KHDRBS2: variants seen among roughly 807,000 people sequenced by gnomAD.
KHDRBS2 encodes the protein KH RNA binding domain containing, signal transduction associated 2, also known as KH domain-containing, RNA-binding, signal transduction-associated protein 2.
Under a neutral mutation model 44.3 loss-of-function variants are expected in KHDRBS2, and 26 were observed. The observed-to-expected ratio is 0.59, with a 90% CI of 0.43 to 0.81. KHDRBS2 has a LOEUF of 0.81. KHDRBS2 is among the 40% of genes least tolerant of loss of function. KHDRBS2 has a pLI of 0.00. For synonymous variants in KHDRBS2, 194 were observed against 151.1 expected, an observed-to-expected ratio of 1.28 and a Z score of -2.08; for missense variants, 476 against 433.1, an observed-to-expected ratio of 1.10 and a Z score of -0.88.
chr6:61,616,404 G>T, the KHDRBS2 span, among the ~76,000 whole-genome samples: 518 of 151,340 alleles, frequency 3.4e-3, 4 homozygotes, highest in African/African-American at 0.012. Flanking sequence ...AATGAAATGG[G>T]ATGACCCTAT....
At chr6:61,753,894 T>A (rs1312144066) in intron 6 of KHDRBS2, among the ~76,000 whole-genome samples, 1 of 152,022 alleles carries the variant, frequency 6.6e-6, no homozygotes, top group Non-Finnish European at 1.5e-5. Flanking sequence ...ATCAGAAGTG[T>A]CTTATAAGAG....
rs190495097 is a variant in KHDRBS2, at chr6:61,757,391, T to C, written c.811-24627A>G. Among the ~76,000 whole-genome samples, 227 of 152,328 alleles carry C rather than the reference T, an allele frequency of 1.5e-3. 1 individual carries two copies. Among genetic ancestry groups the C allele is most frequent in the African/African-American group, 5.2e-3 (216 of 41,582 alleles). ...TTCCAGTTTTGTCACATACTCCCCG[T>C]CAACTTACTTTTTGATTGGTGTTAG... On this transcript the variant is annotated intron_variant, in intron 6 of 8. Transcript: ENST00000281156.
intron 3 of KHDRBS2, among the ~76,000 whole-genome samples, chr6:62,026,977 A>T (rs1222299967): frequency 2.7e-5 from 4 of 150,716 alleles, no homozygotes; most frequent in Non-Finnish European, 4.4e-5. Context: ...GTCCAGGAAA[A>T]TTTTATTCCA....
At chr6:61,642,675 GAA>G in the KHDRBS2 span, among the ~76,000 whole-genome samples, 1 of 141,582 alleles carries the variant, frequency 7.1e-6, no homozygotes, top group African/African-American at 2.6e-5. Context: ...AAAAAAAAAA[GAA>G]TAATAAATTT....
At chr6:62,193,939 C>CT (rs1825111878) in intron 1 of KHDRBS2, among the ~76,000 whole-genome samples, 1 of 152,052 alleles carries the variant, frequency 6.6e-6, no homozygotes, top group Non-Finnish European at 1.5e-5. Flanking sequence ...CATTTTATTA[C>CT]TGAGTCATAA....
intron 3 of KHDRBS2, among the ~76,000 whole-genome samples, chr6:62,019,689 C>T (rs1781897597): frequency 6.6e-6 from 1 of 152,028 alleles, no homozygotes; most frequent in South Asian, 2.1e-4. Flanking sequence ...TAAACATTTT[C>T]TATTTCATAT....
the KHDRBS2 span, among the ~76,000 whole-genome samples, chr6:61,550,752 G>A: frequency 6.9e-6 from 1 of 144,822 alleles, no homozygotes; most frequent in Non-Finnish European, 1.5e-5. Flanking sequence ...CTTTCTGACT[G>A]GTTGAGATGG....
chr6:61,976,565 C>A (rs902502828), intron 4 of KHDRBS2, among the ~76,000 whole-genome samples: 3 of 151,934 alleles, frequency 2.0e-5, no homozygotes, highest in Non-Finnish European at 4.4e-5. Context: ...TATATTTAAA[C>A]CATCCATTAA....
chr6:62,015,716 A>G (rs1395045472), intron 3 of KHDRBS2, among the ~76,000 whole-genome samples: 1 of 152,182 alleles, frequency 6.6e-6, no homozygotes, highest in Non-Finnish European at 1.5e-5. Flanking sequence ...CCATATAGAT[A>G]TAAAATGTTT....
At chr6:61,828,057 C>T (rs1164547784) in intron 6 of KHDRBS2, among the ~76,000 whole-genome samples, 1 of 152,274 alleles carries the variant, frequency 6.6e-6, no homozygotes, top group East Asian at 1.9e-4. Flanking sequence ...ATCATTCTGG[C>T]ACTGACATGC....
chr6:61,888,808 AC>A (rs1801369026), intron 6 of KHDRBS2, among the ~76,000 whole-genome samples: 2 of 151,508 alleles, frequency 1.3e-5, no homozygotes, highest in Admixed American at 6.6e-5. Flanking sequence ...TGATCCACCC[AC>A]CCCGGCCTCC....
chr6:62,175,057 G>C (rs1323392886), intron 2 of KHDRBS2, among the ~76,000 whole-genome samples: 1 of 151,484 alleles, frequency 6.6e-6, no homozygotes, highest in Non-Finnish European at 1.5e-5. Flanking sequence ...GTTTTCAAAA[G>C]ATTATTAAAT....
At chr6:62,176,288 C>A (rs1399278300) in intron 2 of KHDRBS2, among the ~76,000 whole-genome samples, 3 of 151,302 alleles carry the variant, frequency 2.0e-5, no homozygotes, top group African/African-American at 7.3e-5. Flanking sequence ...GCCCAAAATA[C>A]TTCATCTCAA....
chr6:61,858,853 C>G (rs564192696), intron 6 of KHDRBS2, among the ~76,000 whole-genome samples: 1 of 151,726 alleles, frequency 6.6e-6, no homozygotes, highest in East Asian at 1.9e-4. Context: ...GCCAGATTAT[C>G]GGGAAACCTA....
chr6:61,728,463 A>T (rs557595263), intron 7 of KHDRBS2, among the ~76,000 whole-genome samples: 1 of 152,192 alleles, frequency 6.6e-6, no homozygotes, highest in South Asian at 2.1e-4. Flanking sequence ...TTGAAGAAAA[A>T]AAAAGATTTA....
At chr6:62,168,015 A>G (rs918511241) in intron 2 of KHDRBS2, among the ~76,000 whole-genome samples, 4 of 152,172 alleles carry the variant, frequency 2.6e-5, no homozygotes, top group African/African-American at 9.7e-5. Context: ...GAAAGTTGCA[A>G]CCGAGGATGA....
intron 1 of KHDRBS2, among the ~76,000 whole-genome samples, chr6:62,238,521 T>C (rs1834066473): frequency 6.6e-6 from 1 of 152,122 alleles, no homozygotes; most frequent in Non-Finnish European, 1.5e-5. Context: ...TAAACTTAGT[T>C]CTGGAGAGAA....
chr6:61,909,616 C>T (rs531877178), intron 4 of KHDRBS2, among the ~76,000 whole-genome samples: 1 of 152,076 alleles, frequency 6.6e-6, no homozygotes, highest in Admixed American at 6.6e-5. Context: ...ATCGTGACAC[C>T]ATATGGTGTA....
At chr6:62,012,799 G>A (rs1780542516) in intron 3 of KHDRBS2, among the ~76,000 whole-genome samples, 2 of 152,058 alleles carry the variant, frequency 1.3e-5, no homozygotes, top group African/African-American at 4.8e-5. Flanking sequence ...CCTATCACAC[G>A]GAAGCATTTT....
Sources: allele counts gnomAD v4.1 joint callset (sites outside exome capture counted in the v4.1 genomes callset), GRCh38; gene constraint gnomAD v4.1.1; transcripts MANE v1.5; gene names NCBI Gene and HGNC (gene_info 2026-07-23, HGNC 2026-07-21).